Variants in TANC2 observed in about 807,000 individuals in gnomAD.
The protein encoded by TANC2 is protein TANC2.
TANC2 carries 26 observed loss-of-function variants against 210.5 expected under a neutral mutation model. That is an observed-to-expected ratio of 0.12 (90% CI 0.09 to 0.17). The LOEUF is 0.17. Ranked by LOEUF, TANC2 falls within the 10% of genes least tolerant of loss-of-function variation. The pLI, the probability that TANC2 is intolerant of heterozygous loss-of-function variation, is 1.00. For missense variants in TANC2, 2,129 were observed against 2,608.9 expected, an observed-to-expected ratio of 0.82 and a Z score of 4.01; for synonymous variants, 931 against 967.1, an observed-to-expected ratio of 0.96 and a Z score of 0.69.
intron 8 of TANC2, among the ~76,000 whole-genome samples, chr17:63,252,891 A>C (rs750361598): frequency 3.7e-4 from 56 of 152,082 alleles, no homozygotes; most frequent in Admixed American, 6.5e-4. Flanking sequence ...CTGTTGATGG[A>C]CACTTAGGTT....
At chr17:63,257,574 G>T (rs2043232719) in intron 8 of TANC2, among the ~76,000 whole-genome samples, 1 of 152,062 alleles carries the variant, frequency 6.6e-6, no homozygotes, top group Non-Finnish European at 1.5e-5. Context: ...TGCCCAGGCT[G>T]GTCTTGAGCT....
intron 8 of TANC2, among the ~76,000 whole-genome samples, chr17:63,250,671 A>G (rs1182403353): frequency 6.6e-6 from 1 of 152,144 alleles, no homozygotes; most frequent in African/African-American, 2.4e-5. Flanking sequence ...TCATTAGACA[A>G]GTATTTATTG....
intron 12 of TANC2, among the ~76,000 whole-genome samples, chr17:63,348,278 C>G (rs550073907): frequency 1.3e-5 from 2 of 152,282 alleles, no homozygotes; most frequent in East Asian, 3.9e-4. Flanking sequence ...ATTCTTATTT[C>G]TCTCAGGCAC....
intron 5 of TANC2, among the ~76,000 whole-genome samples, chr17:63,161,561 A>G (rs1319291352): frequency 6.6e-6 from 1 of 151,946 alleles, no homozygotes; most frequent in Non-Finnish European, 1.5e-5. Context: ...CCAAGTTATC[A>G]CCTTATTCTT....
At chr17:62,991,584 GA>G (rs1203795881) in intron 1 of TANC2, among the ~76,000 whole-genome samples, 2 of 150,162 alleles carry the variant, frequency 1.3e-5, no homozygotes, top group African/African-American at 4.9e-5. Context: ...AGCTTGCAGT[GA>G]GCCAAGATCA....
intron 7 of TANC2, among the ~76,000 whole-genome samples, chr17:63,210,878 T>C (rs911164442): frequency 6.6e-6 from 1 of 152,196 alleles, no homozygotes; most frequent in Admixed American, 6.5e-5. Context: ...ATCAGTTTCC[T>C]TGTAGTTTTT....
At chr17:63,098,470 ACACACACACATACACTCTCTCTCT>A (rs2037482319) in intron 3 of TANC2, among the ~76,000 whole-genome samples, 1 of 38,606 alleles carries the variant, frequency 2.6e-5, no homozygotes, top group African/African-American at 1.7e-4. Context: ...ACACACACAC[ACACACACACATACACTCTCTCTCT>A]CTCTCTCTCT....
chr17:63,150,623 A>C (rs1442618180), intron 4 of TANC2: 1 of 152,208 alleles, frequency 6.6e-6, no homozygotes, highest in Non-Finnish European at 1.5e-5. Context: ...GGGCCTAGTT[A>C]ATGCTTTAGT....
chr17:63,114,471 C>T (rs1212261830), intron 4 of TANC2, among the ~76,000 whole-genome samples: 3 of 152,100 alleles, frequency 2.0e-5, no homozygotes, highest in African/African-American at 7.2e-5. Flanking sequence ...TCTTTTTCTT[C>T]TCTGTCACTC....
intron 4 of TANC2, among the ~76,000 whole-genome samples, chr17:63,133,010 G>A (rs1052340213): frequency 2.0e-5 from 3 of 152,150 alleles, no homozygotes; most frequent in African/African-American, 4.8e-5. Flanking sequence ...TGCTTGTTCT[G>A]TCTCTCAGGC....
chr17:63,084,569 G>C (rs2036892557), intron 3 of TANC2, among the ~76,000 whole-genome samples: 1 of 150,976 alleles, frequency 6.6e-6, no homozygotes, highest in African/African-American at 2.4e-5. Context: ...TCTTTTTCTA[G>C]TTTCCTAAGA....
chr17:63,250,003 A>C (rs1322207519), intron 8 of TANC2, among the ~76,000 whole-genome samples: 6 of 152,158 alleles, frequency 3.9e-5, no homozygotes, highest in African/African-American at 1.4e-4. Context: ...GTGTATTTAA[A>C]TTATTTTAAC....
intron 1 of TANC2, among the ~76,000 whole-genome samples, chr17:62,993,164 C>G (rs1024787137): frequency 2.0e-5 from 3 of 152,154 alleles, no homozygotes; most frequent in Non-Finnish European, 4.4e-5. Flanking sequence ...TTTTAAGGTC[C>G]TCAACTTAAT....
chr17:63,239,766 A>G (rs185539233), intron 8 of TANC2, among the ~76,000 whole-genome samples: 1 of 152,308 alleles, frequency 6.6e-6, no homozygotes, highest in Non-Finnish European at 1.5e-5. Context: ...TAATTTATAA[A>G]GAAAAGAGGT....
intron 1 of TANC2, among the ~76,000 whole-genome samples, chr17:62,969,384 A>G (rs975355713): frequency 6.6e-6 from 1 of 152,222 alleles, no homozygotes; most frequent in East Asian, 1.9e-4. Context: ...TCAATATGCT[A>G]TATTGCCCTC....
rs575961385 is a variant in TANC2 at position 63,082,224 on chromosome 17, ATATTCT to A, written c.139+8214_139+8219del. Among the ~76,000 whole-genome samples, 572 of 152,322 alleles carry A rather than the reference ATATTCT, an allele frequency of 3.8e-3. 1 individual carries two copies. The highest frequency in any genetic ancestry group is 6.4e-3 in the Non-Finnish European group (434 of 68,020). ...ACATCTAGAAAGATTTTATTTTAAA[ATATTCT>A]TATGTGAATTTTTCTGGTAAGAGAT... On this transcript the variant is annotated intron_variant, in intron 3 of 27. Transcript: ENST00000689528.
At chr17:63,330,842 G>A (rs549680186) in intron 11 of TANC2, among the ~76,000 whole-genome samples, 17 of 152,284 alleles carry the variant, frequency 1.1e-4, no homozygotes, top group Middle Eastern at 3.4e-3. Flanking sequence ...TTGAGAGGCC[G>A]AGGTGGGTGG....
chr17:63,384,576 G>A (rs916103062), intron 15 of TANC2, among the ~76,000 whole-genome samples: 2 of 151,972 alleles, frequency 1.3e-5, no homozygotes, highest in African/African-American at 4.8e-5. Flanking sequence ...TATAGTAGAA[G>A]CCCCTTTATA....
intron 7 of TANC2, among the ~76,000 whole-genome samples, chr17:63,231,676 C>G (rs2042480499): frequency 6.6e-6 from 1 of 152,168 alleles, no homozygotes. Context: ...GCCTTTCTCT[C>G]TGGCTGCCCT....
Sources: gnomAD v4.1 joint callset for allele counts (sites outside exome capture counted in the v4.1 genomes callset) on GRCh38, gnomAD v4.1.1 for gene constraint, MANE v1.5 for transcripts, NCBI Gene and HGNC (gene_info 2026-07-23, HGNC 2026-07-21) for gene names.